The following OXR1 variants were observed in gnomAD, a reference collection of about 807,000 sequenced individuals.
The protein encoded by OXR1 is oxidation resistance 1.
Under a neutral mutation model 104.6 loss-of-function variants are expected in OXR1, and 41 were observed. The ratio of observed to expected loss-of-function variants is 0.39; its 90% confidence interval spans 0.31 to 0.51. OXR1 has a LOEUF of 0.51. Among genes scored for constraint, OXR1 ranks in the 20% least tolerant of loss-of-function variants. The pLI is 0.77. For synonymous variants in OXR1, 348 were observed against 348.4 expected (o/e 1.00, Z 0.01); for missense variants, 955 against 1,031.9 (o/e 0.93, Z 1.02).
chr8:106,722,956 G>A (rs1184168330), intron 11 of OXR1, among the ~76,000 whole-genome samples: 1 of 152,162 alleles, frequency 6.6e-6, no homozygotes, highest in Non-Finnish European at 1.5e-5. Context: ...TTATCTTAAA[G>A]TTGTTATCGA....
At chr8:106,273,081 C>T (rs1811882866) in intron 1 of OXR1, among the ~76,000 whole-genome samples, 1 of 152,102 alleles carries the variant, frequency 6.6e-6, no homozygotes, top group South Asian at 2.1e-4. Flanking sequence ...TCCCGATCTC[C>T]TGCATTTGAA....
chr8:106,509,194 C>T (rs558000983), intron 2 of OXR1, among the ~76,000 whole-genome samples: 61 of 152,250 alleles, frequency 4.0e-4, no homozygotes, highest in Non-Finnish European at 6.9e-4. Flanking sequence ...GACTGTTTAA[C>T]ATTTACAAGA....
intron 7 of OXR1, among the ~76,000 whole-genome samples, chr8:106,695,536 G>C (rs1829925650): frequency 6.6e-6 from 1 of 151,460 alleles, no homozygotes; most frequent in East Asian, 1.9e-4. Context: ...TCCTGCCTCA[G>C]CCTCCTGAGT....
intron 2 of OXR1, among the ~76,000 whole-genome samples, chr8:106,504,309 T>C (rs192012644): frequency 6.6e-6 from 1 of 152,326 alleles, no homozygotes; most frequent in East Asian, 1.9e-4. Context: ...CTTGAAACTA[T>C]AGTGCTAATA....
At chr8:106,404,573 A>G (rs1239760741) in intron 2 of OXR1, among the ~76,000 whole-genome samples, 1 of 152,080 alleles carries the variant, frequency 6.6e-6, no homozygotes, top group Non-Finnish European at 1.5e-5. Context: ...AAAACTGGGA[A>G]TTGGAACCTC....
chr8:106,457,129 G>C (rs892122724), intron 2 of OXR1, among the ~76,000 whole-genome samples: 1 of 152,158 alleles, frequency 6.6e-6, no homozygotes, highest in African/African-American at 2.4e-5. Flanking sequence ...CAATCACTGT[G>C]CTAGGTACTG....
chr8:106,317,391 A>G (rs576983679), intron 1 of OXR1, among the ~76,000 whole-genome samples: 1 of 152,010 alleles, frequency 6.6e-6, no homozygotes, highest in Non-Finnish European at 1.5e-5. Flanking sequence ...AGTAGCCCCC[A>G]TTTTCATTTA....
chr8:106,271,976 C>T (rs758062466), intron 1 of OXR1: 2 of 152,178 alleles, frequency 1.3e-5, no homozygotes, highest in Non-Finnish European at 2.9e-5. Flanking sequence ...GTGATTGTTG[C>T]CTGCGGACTG....
chr8:106,491,338 A>G (rs1443736853), intron 2 of OXR1, among the ~76,000 whole-genome samples: 2 of 152,248 alleles, frequency 1.3e-5, no homozygotes, highest in Non-Finnish European at 2.9e-5. Context: ...ATTAATATGT[A>G]TGTGCAGACA....
rs563487393 is a variant in OXR1, at chr8:106,610,198, A to G, written c.221-69012A>G. 2.7e-5 allele frequency among the ~76,000 whole-genome samples: 4 copies of G among 150,650 alleles called. No individual in the cohort carries two copies. The Admixed American group carries it at 2.7e-4, about 10-fold the overall frequency. On this transcript the variant is annotated intron_variant, in intron 3 of 16. Coordinates refer to ENST00000517566, the MANE Select transcript of OXR1 (RefSeq NM_001198533.2). ...TCTTTCCTCTCCCTCCCAAGTCCCCACCAACACTGCTACAATCCAAAAATT... is the reference window on the plus strand; with the variant it reads ...TCTTTCCTCTCCCTCCCAAGTCCCCGCCAACACTGCTACAATCCAAAAATT...
chr8:106,418,931 TGTTA>T (rs35517402), intron 2 of OXR1, among the ~76,000 whole-genome samples: 56,903 of 151,586 alleles, frequency 0.38, 11,914 homozygotes, highest in East Asian at 0.68. Context: ...AATGAGCATA[TGTTA>T]GTTTTCAGAA....
intron 2 of OXR1, among the ~76,000 whole-genome samples, chr8:106,446,454 C>T (rs932643419): frequency 6.6e-6 from 1 of 151,976 alleles, no homozygotes; most frequent in Non-Finnish European, 1.5e-5. Context: ...CCTTTCTCTA[C>T]TAAAAATGCA....
chr8:106,282,202 A>G (rs1049999013), intron 1 of OXR1, among the ~76,000 whole-genome samples: 6 of 152,186 alleles, frequency 3.9e-5, no homozygotes, highest in Non-Finnish European at 7.4e-5. Context: ...CTTTATTGTT[A>G]CCTCTAATTG....
At chr8:106,483,816 G>A (rs1223304981) in intron 2 of OXR1, among the ~76,000 whole-genome samples, 1 of 151,862 alleles carries the variant, frequency 6.6e-6, no homozygotes, top group African/African-American at 2.4e-5. Flanking sequence ...GACTATCTGG[G>A]GAACCAACCT....
At chr8:106,355,428 C>T (rs1815922895) in intron 1 of OXR1, among the ~76,000 whole-genome samples, 1 of 151,684 alleles carries the variant, frequency 6.6e-6, no homozygotes, top group Admixed American at 6.6e-5. Flanking sequence ...ATAACAAGCC[C>T]AATACAGGGT....
intron 11 of OXR1, among the ~76,000 whole-genome samples, chr8:106,731,542 G>C (rs778641547): frequency 6.6e-6 from 1 of 152,134 alleles, no homozygotes; most frequent in Non-Finnish European, 1.5e-5. Flanking sequence ...GAGATCCATA[G>C]TTTTGTGTTT....
rs1586534341 is a variant in OXR1 at position 106,332,814 on chromosome 8, C to T, written c.-138-26662C>T. Among the ~76,000 whole-genome samples, 3 of 152,196 alleles carry T rather than the reference C, an allele frequency of 2.0e-5. No homozygotes were observed. In the East Asian group the frequency reaches 5.8e-4, roughly 29 times the overall value. On this transcript the variant is annotated intron_variant, in intron 1 of 16. Transcript: ENST00000517566. ...TCTAGCCCCTGGACACCATATTCTACTTTCTGTCTCTATGGATTTGCTTAT... is the reference window on the plus strand; with the variant it reads ...TCTAGCCCCTGGACACCATATTCTATTTTCTGTCTCTATGGATTTGCTTAT...
At chr8:106,357,964 G>A (rs953841837) in intron 1 of OXR1, among the ~76,000 whole-genome samples, 7 of 152,038 alleles carry the variant, frequency 4.6e-5, no homozygotes, top group Admixed American at 6.6e-5. Context: ...TTTGGTTTAC[G>A]GTTAGGACAC....
intron 2 of OXR1, among the ~76,000 whole-genome samples, chr8:106,514,023 T>C (rs1051354795): frequency 6.6e-6 from 1 of 152,174 alleles, no homozygotes; most frequent in African/African-American, 2.4e-5. Flanking sequence ...ATAGGAGCCA[T>C]GCCAAGAGAG....
Sources: gnomAD v4.1 joint callset for allele counts (sites outside exome capture counted in the v4.1 genomes callset) on GRCh38, gnomAD v4.1.1 for gene constraint, MANE v1.5 for transcripts, NCBI Gene and HGNC (gene_info 2026-07-23, HGNC 2026-07-21) for gene names.